PALM2AKAP2: variants seen among roughly 807,000 people sequenced by gnomAD.
PALM2AKAP2 encodes the protein PALM2-AKAP2 fusion protein.
PALM2AKAP2 carries 37 observed loss-of-function variants against 71.5 expected under a neutral mutation model. The observed-to-expected ratio is 0.52, with a 90% CI of 0.40 to 0.68. The LOEUF (loss-of-function observed/expected upper bound fraction) is 0.68, where lower values mean the gene tolerates loss of function less well. Among genes scored for constraint, PALM2AKAP2 ranks in the 30% least tolerant of loss-of-function variants. PALM2AKAP2 has a pLI of 0.00. For synonymous variants in PALM2AKAP2, 468 were observed against 478.8 expected (o/e 0.98, Z 0.29); for missense variants, 1,224 against 1,191.8 (o/e 1.03, Z -0.40).
chr9:110,054,447 C>T (rs1833789724), intron 1 of PALM2AKAP2, among the ~76,000 whole-genome samples: 1 of 152,118 alleles, frequency 6.6e-6, no homozygotes, highest in African/African-American at 2.4e-5. Flanking sequence ...TGTGTAAAAT[C>T]AGATGGTTAT....
intron 1 of PALM2AKAP2, among the ~76,000 whole-genome samples, chr9:110,056,156 C>T (rs1033196212): frequency 2.0e-4 from 30 of 152,350 alleles, no homozygotes; most frequent in Admixed American, 1.8e-3. Context: ...CCTGAGCTCC[C>T]ACCTGGTGAG....
intron 1 of PALM2AKAP2, among the ~76,000 whole-genome samples, chr9:110,108,053 C>T (rs968453000): frequency 6.6e-6 from 1 of 151,198 alleles, no homozygotes; most frequent in Non-Finnish European, 1.5e-5. Flanking sequence ...ATATCAATTG[C>T]ATACATTAAG....
chr9:109,833,388 C>T (rs1248621428), intron 1 of PALM2AKAP2, among the ~76,000 whole-genome samples: 6 of 152,084 alleles, frequency 3.9e-5, no homozygotes, highest in Admixed American at 3.9e-4. Flanking sequence ...ACATGAAGTT[C>T]CCAACCATGT....
chr9:109,967,197 C>G (rs1024340124), intron 6 of PALM2AKAP2, among the ~76,000 whole-genome samples: 1 of 152,184 alleles, frequency 6.6e-6, no homozygotes, highest in East Asian at 1.9e-4. Flanking sequence ...CTGGGGCTGT[C>G]AGCGAGAACA....
intron 2 of PALM2AKAP2, among the ~76,000 whole-genome samples, chr9:110,147,883 A>G (rs1836217804): frequency 6.6e-6 from 1 of 152,222 alleles, no homozygotes; most frequent in Non-Finnish European, 1.5e-5. Flanking sequence ...ATTGCTTTCT[A>G]TTCCTAGCTG....
In PALM2AKAP2 at chr9:109,823,665, G is replaced by A. The variant is rs568541499; in HGVS notation, c.45+43132G>A. Among the ~76,000 whole-genome samples, 6 of 152,270 alleles carry A rather than the reference G, an allele frequency of 3.9e-5. No homozygotes were observed. The South Asian group carries it at 1.2e-3, about 32-fold the overall frequency. On this transcript the variant is annotated intron_variant, in intron 1 of 9. Coordinates refer to the PALM2AKAP2 transcript ENST00000302798. ...GTTCAACCTGCCTGCCTTGCAGAGA[G>A]TTGGCTCTCCCTGTTACTGTGGGAA... is the stretch of plus-strand genomic sequence containing the variant.
At chr9:109,777,399 T>C (rs1213205605), upstream of PALM2AKAP2, among the ~76,000 whole-genome samples, 1 of 152,196 alleles carries the variant, frequency 6.6e-6, no homozygotes, top group Non-Finnish European at 1.5e-5. Context: ...TGTTGTCTAA[T>C]TTGCTTTGAC....
At chr9:110,021,112 T>A (rs1445741659) in intron 7 of PALM2AKAP2, among the ~76,000 whole-genome samples, 5 of 151,926 alleles carry the variant, frequency 3.3e-5, no homozygotes, top group Non-Finnish European at 5.9e-5. Flanking sequence ...TCTCAGAAAA[T>A]AATACTAATA....
intron 1 of PALM2AKAP2, among the ~76,000 whole-genome samples, chr9:110,079,033 T>G (rs1834385308): frequency 6.6e-6 from 1 of 152,234 alleles, no homozygotes; most frequent in Middle Eastern, 3.2e-3. Flanking sequence ...GATGTTTTCT[T>G]TTAAAATCAG....
intron 1 of PALM2AKAP2, among the ~76,000 whole-genome samples, chr9:109,839,135 A>G (rs1182665021): frequency 6.6e-6 from 1 of 152,242 alleles, no homozygotes; most frequent in Non-Finnish European, 1.5e-5. Flanking sequence ...AAAAATCCTC[A>G]ATAAAATACC....
At chr9:110,044,344 C>CTTTTTTTTTTTTTTTTTT (rs57314430), upstream of PALM2AKAP2, among the ~76,000 whole-genome samples, 11 of 80,154 alleles carry the variant, frequency 1.4e-4, no homozygotes, top group South Asian at 4.3e-4. Flanking sequence ...TTCTTTCTTT[C>CTTTTTTTTTTTTTTTTTT]TTTTTTTTTT....
intron 7 of PALM2AKAP2, among the ~76,000 whole-genome samples, chr9:110,036,963 T>C (rs1433157835): frequency 6.6e-6 from 1 of 152,220 alleles, no homozygotes; most frequent in African/African-American, 2.4e-5. Context: ...CCTACTGCCA[T>C]CAATATCTAT....
intron 6 of PALM2AKAP2, among the ~76,000 whole-genome samples, chr9:109,990,961 A>T (rs1284670784): frequency 6.6e-6 from 1 of 152,154 alleles, no homozygotes; most frequent in Non-Finnish European, 1.5e-5. Flanking sequence ...TAAGAGGGCC[A>T]TCTTGGGCTA....
At chr9:110,048,245 T>G (rs970265583), upstream of PALM2AKAP2, among the ~76,000 whole-genome samples, 1 of 152,132 alleles carries the variant, frequency 6.6e-6, no homozygotes, top group African/African-American at 2.4e-5. Flanking sequence ...GAGTGGGAAC[T>G]CAGCGGCTCC....
chr9:109,877,942 G>T (rs755434410), intron 2 of PALM2AKAP2, among the ~76,000 whole-genome samples: 1 of 152,160 alleles, frequency 6.6e-6, no homozygotes. Context: ...TTTATTTTGT[G>T]CCTACAACAG....
intron 1 of PALM2AKAP2, among the ~76,000 whole-genome samples, chr9:109,807,927 T>C (rs1186009459): frequency 6.6e-6 from 1 of 152,220 alleles, no homozygotes; most frequent in East Asian, 1.9e-4. Flanking sequence ...TTTCCTGTTT[T>C]GCTGGGCACT....
intron 1 of PALM2AKAP2, among the ~76,000 whole-genome samples, chr9:109,814,001 C>T (rs1170548900): frequency 6.6e-6 from 1 of 152,246 alleles, no homozygotes; most frequent in African/African-American, 2.4e-5. Context: ...ACATTCTGGA[C>T]TCCTGGCCCT....
At chr9:109,869,578 T>A (rs1829549217) in intron 2 of PALM2AKAP2, among the ~76,000 whole-genome samples, 1 of 151,862 alleles carries the variant, frequency 6.6e-6, no homozygotes, top group Admixed American at 6.6e-5. Context: ...GACATTGTGA[T>A]CCACCCGCCT....
intron 3 of PALM2AKAP2, among the ~76,000 whole-genome samples, chr9:109,883,607 A>G (rs1364007977): frequency 6.6e-6 from 1 of 152,174 alleles, no homozygotes; most frequent in Non-Finnish European, 1.5e-5. Context: ...CTTCAATCCC[A>G]TGGGAAGAAA....
Sources: allele counts gnomAD v4.1 joint callset (sites outside exome capture counted in the v4.1 genomes callset), GRCh38; gene constraint gnomAD v4.1.1; transcripts MANE v1.5; gene names NCBI Gene and HGNC (gene_info 2026-07-23, HGNC 2026-07-21).